The following POFUT3 variants were observed in gnomAD, a reference collection of about 807,000 sequenced individuals.
The protein encoded by POFUT3 is GDP-fucose protein O-fucosyltransferase 3.
At chr8:33,372,005 A>T in the POFUT3 span, 1 of 249,134 alleles carries the variant, frequency 4.0e-6, no homozygotes, top group Non-Finnish European at 6.4e-6. Flanking sequence ...AAAGAAAGTG[A>T]GAGAGGTGGC....
At chr8:33,316,363 T>C in the POFUT3 span, among the ~76,000 whole-genome samples, 1 of 152,028 alleles carries the variant, frequency 6.6e-6, no homozygotes, top group Non-Finnish European at 1.5e-5. Flanking sequence ...TGAGGTTGCA[T>C]CTATGGTTAG....
chr8:33,315,145 G>C, the POFUT3 span, among the ~76,000 whole-genome samples: 1 of 152,180 alleles, frequency 6.6e-6, no homozygotes, highest in Non-Finnish European at 1.5e-5. Flanking sequence ...GATTCAGACA[G>C]CTAACACAGA....
chr8:33,312,923 C>A, the POFUT3 span, among the ~76,000 whole-genome samples: 1 of 152,228 alleles, frequency 6.6e-6, no homozygotes, highest in East Asian at 1.9e-4. Flanking sequence ...GCATACCACC[C>A]TGCCTCCTCG....
chr8:33,450,837 A>G, the POFUT3 span, among the ~76,000 whole-genome samples: 1 of 152,216 alleles, frequency 6.6e-6, no homozygotes. Flanking sequence ...AATTAAGTGC[A>G]TGACTCTGTA....
the POFUT3 span, among the ~76,000 whole-genome samples, chr8:33,437,276 C>G: frequency 1.3e-5 from 2 of 152,054 alleles, no homozygotes. Flanking sequence ...TCCCTTCCCC[C>G]TCACTCTTGC....
At chr8:33,374,878 C>T in the POFUT3 span, among the ~76,000 whole-genome samples, 7 of 141,582 alleles carry the variant, frequency 4.9e-5, no homozygotes, top group East Asian at 2.0e-4. Flanking sequence ...CTTTTCTTTT[C>T]TTTTTTTTTT....
At chr8:33,425,714 G>T in the POFUT3 span, among the ~76,000 whole-genome samples, 27 of 151,560 alleles carry the variant, frequency 1.8e-4, no homozygotes, top group East Asian at 4.7e-3. Context: ...TTGAGGTCAG[G>T]AGTTCAACAC....
At chr8:33,403,277 T>C in the POFUT3 span, among the ~76,000 whole-genome samples, 4 of 151,012 alleles carry the variant, frequency 2.6e-5, no homozygotes, top group East Asian at 7.8e-4. Context: ...TGTGCGTGTG[T>C]GTGTGTGTGT....
chr8:33,309,351 T>TTGTGTGTGTGTG, the POFUT3 span, among the ~76,000 whole-genome samples: 8 of 142,558 alleles, frequency 5.6e-5, no homozygotes, highest in South Asian at 4.7e-4. Flanking sequence ...CTTAAAGGTA[T>TTGTGTGTGTGTG]TGTGTGTGTG....
chr8:33,350,173 G>GATAC, the POFUT3 span, among the ~76,000 whole-genome samples: 1 of 152,090 alleles, frequency 6.6e-6, no homozygotes, highest in Non-Finnish European at 1.5e-5. Flanking sequence ...TCCTTTGTCA[G>GATAC]ATACATAGTT....
At chr8:33,343,913 T>C in the POFUT3 span, among the ~76,000 whole-genome samples, 1 of 152,154 alleles carries the variant, frequency 6.6e-6, no homozygotes, top group African/African-American at 2.4e-5. Flanking sequence ...TAGAGAGACA[T>C]AATATGGGGT....
chr8:33,344,930 T>G, the POFUT3 span, among the ~76,000 whole-genome samples: 1 of 152,214 alleles, frequency 6.6e-6, no homozygotes, highest in African/African-American at 2.4e-5. Context: ...TTTATGACAT[T>G]TTTATAACTG....
the POFUT3 span, among the ~76,000 whole-genome samples, chr8:33,363,786 C>A: frequency 6.6e-6 from 1 of 152,072 alleles, no homozygotes; most frequent in Non-Finnish European, 1.5e-5. Flanking sequence ...TAATAGCTTA[C>A]CAACCAAAAA....
the POFUT3 span, among the ~76,000 whole-genome samples, chr8:33,387,456 T>A: frequency 6.6e-6 from 1 of 152,190 alleles, no homozygotes; most frequent in African/African-American, 2.4e-5. Flanking sequence ...CTAAAATTCA[T>A]ATAATAACCA....
At chr8:33,351,445 G>T in the POFUT3 span, among the ~76,000 whole-genome samples, 10 of 152,040 alleles carry the variant, frequency 6.6e-5, no homozygotes, top group Non-Finnish European at 8.8e-5. Context: ...GAGTCGGCGG[G>T]GGGCAGGGGG....
the POFUT3 span, among the ~76,000 whole-genome samples, chr8:33,354,942 G>A: frequency 6.6e-5 from 10 of 152,236 alleles, no homozygotes; most frequent in African/African-American, 1.9e-4. Context: ...CGGCACTTCC[G>A]AAATCCCAAC....
the POFUT3 span, among the ~76,000 whole-genome samples, chr8:33,382,072 T>C: frequency 6.6e-6 from 1 of 152,138 alleles, no homozygotes; most frequent in East Asian, 1.9e-4. Context: ...ATGGGCACAT[T>C]GCTTGAGCTA....
chr8:33,450,725 A>G, the POFUT3 span, among the ~76,000 whole-genome samples: 2 of 152,208 alleles, frequency 1.3e-5, no homozygotes, highest in Non-Finnish European at 2.9e-5. Flanking sequence ...GGAGAGTAAC[A>G]GGATCTGAGG....
the POFUT3 span, among the ~76,000 whole-genome samples, chr8:33,328,742 T>A: frequency 6.6e-6 from 1 of 152,122 alleles, no homozygotes; most frequent in African/African-American, 2.4e-5. Context: ...GAACCAATTG[T>A]CATGGTCAGA....
Sources: gnomAD v4.1 joint callset for allele counts (sites outside exome capture counted in the v4.1 genomes callset) on GRCh38, gnomAD v4.1.1 for gene constraint, MANE v1.5 for transcripts, NCBI Gene and HGNC (gene_info 2026-07-23, HGNC 2026-07-21) for gene names.